Variants in TAF1 observed in about 807,000 individuals in gnomAD.
TAF1 encodes the protein transcription initiation factor TFIID subunit 1.
Under a neutral mutation model 138.5 loss-of-function variants are expected in TAF1, and 2 were observed. The ratio of observed to expected loss-of-function variants is 0.01; its 90% CI spans 0.01 to 0.05. The LOEUF is 0.05. Ranked by LOEUF, TAF1 falls within the 10% of genes least tolerant of loss-of-function variation. The pLI is 1.00. For synonymous variants in TAF1, 437 were observed against 503.2 expected, an observed-to-expected ratio of 0.87 and a Z score of 1.76; for missense variants, 709 against 1,478.0, an observed-to-expected ratio of 0.48 and a Z score of 8.53.
intron 37 of TAF1, among the ~76,000 whole-genome samples, 195 bp from the exon 38 acceptor site, chrX:71,463,629 T>C (rs1243549834): frequency 8.9e-6 from 1 of 111,857 alleles, no homozygotes; most frequent in Non-Finnish European, 1.9e-5. Flanking sequence ...CAGGTTCTTG[T>C]GTATATGACG....
At chrX:71,523,922 A>G (rs1402996292) in intron 13 of TAF1, among the ~76,000 whole-genome samples, 1 of 111,669 alleles carries the variant, frequency 9.0e-6, no homozygotes, top group Non-Finnish European at 1.9e-5. Context: ...AACTCACCCT[A>G]GATACATTTT....
At chrX:71,440,658 T>A (rs1034807977) in intron 32 of TAF1, among the ~76,000 whole-genome samples, 2 of 111,226 alleles carry the variant, frequency 1.8e-5, no homozygotes, top group Non-Finnish European at 3.8e-5. Context: ...GCCACACTTT[T>A]GGAGTGTCTG....
rs1029255389 is a variant in TAF1, at chrX:71,465,110, C to T, written c.*1064C>T. 1.8e-5 allele frequency: 2 copies of T among 111,024 alleles called. No homozygotes were observed. Among genetic ancestry groups the T allele is most frequent in the Admixed American group, 1.9e-4 (2 of 10,300 alleles). 9.1% of individuals were successfully genotyped at this position (111,024 alleles called of 1,213,427 possible). A position where few individuals can be genotyped will look rare whatever the true frequency, so the allele number is the denominator to read the frequency against. On this transcript the variant is annotated 3_prime_UTR_variant, in exon 38 of 38. Coordinates refer to ENST00000423759, the MANE Select transcript of TAF1 (RefSeq NM_004606.5). The stretch of plus-strand genomic sequence containing the variant: ...GTAAATGTTCCTAGAATCATAAAAT[C>T]CTCAACAGATATGTTACTGAGCATC...
chrX:71,447,058 T>TG lies in TAF1; in HGVS notation c.4754-7111dup, dbSNP rs201810944. Among the ~76,000 whole-genome samples the TG allele has an allele frequency of 9.7e-3, 1,090 of 112,181 alleles. 14 individuals carry two copies. The highest frequency in any genetic ancestry group is 0.033 in the African/African-American group (1,012 of 30,963). ...CTTTGGGATCTGGACTATGTGTAGT[T>TG]GCATTTAGTAATTCTAATTTCTTTA... On this transcript the variant is annotated intron_variant, in intron 32 of 37. Transcript: ENST00000423759.
intron 34 of TAF1, 73 bp from the exon 35 acceptor site, chrX:71,458,168 C>G (rs1373937981): frequency 8.9e-7 from 1 of 1,129,932 alleles, no homozygotes; most frequent in Non-Finnish European, 1.2e-6. Flanking sequence ...CCAGTAAATG[C>G]CTTAAAGGGG....
At chrX:71,389,728 C>G in intron 18 of TAF1, 63 bp downstream of exon 18, 1 of 900,518 alleles carries the variant, frequency 1.1e-6, no homozygotes, top group Non-Finnish European at 1.6e-6. Context: ...TTAAAAGAGA[C>G]AGCTTTATTG....
chrX:71,507,239 CA>C (rs993766968), intron 13 of TAF1, among the ~76,000 whole-genome samples: 1 of 111,390 alleles, frequency 9.0e-6, no homozygotes, highest in African/African-American at 3.3e-5. Context: ...AATTTTACAT[CA>C]ATTTTTTTTT....
intron 37 of TAF1, among the ~76,000 whole-genome samples, chrX:71,461,935 G>A (rs1207885560): frequency 1.8e-5 from 2 of 111,394 alleles, no homozygotes; most frequent in African/African-American, 6.5e-5. Flanking sequence ...TTAGCTAAAC[G>A]AATAAGAAAG....
intron 13 of TAF1, among the ~76,000 whole-genome samples, 182 bp downstream of exon 13, chrX:71,384,317 T>C (rs748062906): frequency 2.7e-5 from 3 of 112,052 alleles, no homozygotes; most frequent in African/African-American, 6.5e-5. Flanking sequence ...TGTGAACATA[T>C]ACCATAAATT....
chrX:71,388,715 C>G (rs1460537622), intron 16 of TAF1, 23 bp from the exon 17 acceptor site: 2 of 1,209,128 alleles, frequency 1.7e-6, no homozygotes, highest in African/African-American at 3.5e-5. Context: ...TGGTCTCATT[C>G]TCTATGTATA....
chrX:71,509,907 A>G (rs147972267), intron 13 of TAF1, among the ~76,000 whole-genome samples: 1 of 111,015 alleles, frequency 9.0e-6, no homozygotes, highest in Non-Finnish European at 1.9e-5. Flanking sequence ...TGAACCTGGG[A>G]GGCAGAGGTT....
At chrX:71,429,810 T>C (rs1397106363) in intron 32 of TAF1, among the ~76,000 whole-genome samples, 2 of 110,649 alleles carry the variant, frequency 1.8e-5, no homozygotes, top group Admixed American at 1.9e-4. Flanking sequence ...GGAGGTAGAA[T>C]TGATATTTCA....
At chrX:71,436,239 A>G (rs1346689153) in intron 32 of TAF1, among the ~76,000 whole-genome samples, 1 of 91,644 alleles carries the variant, frequency 1.1e-5, no homozygotes, top group Non-Finnish European at 2.1e-5. Context: ...TTTTTGAGAC[A>G]GAGTCTTGCT....
At chrX:71,478,547 CAAAA>C (rs2039018855) in intron 13 of TAF1, among the ~76,000 whole-genome samples, 1 of 109,978 alleles carries the variant, frequency 9.1e-6, no homozygotes, top group African/African-American at 3.3e-5. Context: ...AACAAACAAA[CAAAA>C]ACAAGAGAAT....
intron 13 of TAF1, among the ~76,000 whole-genome samples, chrX:71,499,990 G>A (rs979226539): frequency 1.8e-5 from 2 of 111,319 alleles, no homozygotes; most frequent in Non-Finnish European, 3.8e-5. Flanking sequence ...ATGTACCCGG[G>A]TTGGGCAAAA....
intron 29 of TAF1, among the ~76,000 whole-genome samples, chrX:71,422,164 A>G (rs1384250134): frequency 1.8e-5 from 2 of 111,854 alleles, no homozygotes; most frequent in East Asian, 5.5e-4. Flanking sequence ...AACAGAGAGC[A>G]TGATCTTAAA....
intron 34 of TAF1, among the ~76,000 whole-genome samples, chrX:71,455,565 A>G (rs1182938607): frequency 8.9e-6 from 1 of 111,883 alleles, no homozygotes; most frequent in Non-Finnish European, 1.9e-5. Flanking sequence ...TGGAAAGTAC[A>G]TAAGAATTGA....
intron 13 of TAF1, among the ~76,000 whole-genome samples, chrX:71,515,188 T>C (rs1360688933): frequency 8.9e-6 from 1 of 111,832 alleles, no homozygotes; most frequent in Non-Finnish European, 1.9e-5. Flanking sequence ...GGCGTGGCAC[T>C]GGCAGTGGAG....
Position 71,391,412 on chromosome X carries a change from A to G in TAF1, c.2782-1157A>G, listed in dbSNP as rs5980759. Among the ~76,000 whole-genome samples, 235 of 110,700 alleles carry G rather than the reference A, an allele frequency of 2.1e-3. 2 individuals are homozygous for G. The highest frequency in any genetic ancestry group is 7.4e-3 in the African/African-American group (225 of 30,450). On this transcript the variant is annotated intron_variant, in intron 18 of 37. Transcript: ENST00000423759. ...TAAGAATTCTTTTGAGGCCAGGCGC[A>G]GTGGCTCAGGCCTGTAATCATAGCA...
Sources: gnomAD v4.1 joint callset for allele counts (sites outside exome capture counted in the v4.1 genomes callset) on GRCh38, gnomAD v4.1.1 for gene constraint, MANE v1.5 for transcripts, NCBI Gene and HGNC (gene_info 2026-07-23, HGNC 2026-07-21) for gene names.